CNTN1: variants seen among roughly 807,000 people sequenced by gnomAD.
CNTN1 encodes contactin-1.
Under a neutral mutation model 126.4 loss-of-function variants are expected in CNTN1, and 38 were observed. That is an observed-to-expected ratio of 0.30 (90% CI 0.23 to 0.39). The LOEUF is 0.39. Ranked by LOEUF, CNTN1 falls within the 10% of genes least tolerant of loss-of-function variation. The probability of loss-of-function intolerance (pLI) is 1.00; values close to 1 mark genes in which losing one functional copy is unlikely to be tolerated. For missense variants in CNTN1, 1,009 were observed against 1,248.4 expected, an observed-to-expected ratio of 0.81 and a Z score of 2.89; for synonymous variants, 413 against 422.6, an observed-to-expected ratio of 0.98 and a Z score of 0.28.
rs1035789342 is a variant in CNTN1, at chr12:40,943,997, C to T, written c.1510C>T (p.Pro504Ser). Reference protein sequence around the residue: ...NSTGTLVITDPTRIILAPINA... With the variant: ...NSTGTLVITDSTRIILAPINA... Reference sequence around the variant, plus strand: ...GCTTTACATTTAAAAATATATAGATCCTACGCGAATTATATTGGCCCCAAT... The same window carrying T: ...GCTTTACATTTAAAAATATATAGATTCTACGCGAATTATATTGGCCCCAAT... The change falls in exon 14 of 24, where the codon CCT becomes TCT. Residue 504 changes from proline to serine, a missense_variant and splice_region_variant. Physicochemically the swap from Pro to Ser is moderately conservative, Grantham distance 74. Transcript: ENST00000551295. 2 of 1,612,832 alleles carry T rather than the reference C, an allele frequency of 1.2e-6. No individual in the cohort carries two copies. The highest frequency in any genetic ancestry group is 2.7e-5 in the African/African-American group (2 of 74,840).
At chr12:40,931,554 G>A (rs1484684372) in intron 7 of CNTN1, among the ~76,000 whole-genome samples, 1 of 151,964 alleles carries the variant, frequency 6.6e-6, no homozygotes, top group African/African-American at 2.4e-5. Flanking sequence ...TCTCACAGAT[G>A]TTAAGCTCAA....
intron 23 of CNTN1, among the ~76,000 whole-genome samples, chr12:41,046,917 A>G (rs962304458): frequency 2.1e-5 from 3 of 142,032 alleles, no homozygotes; most frequent in Non-Finnish European, 4.5e-5. Flanking sequence ...ATGTCAGCTC[A>G]GATTCCACGG....
chr12:41,029,900 C>T (rs1179053013), intron 23 of CNTN1, among the ~76,000 whole-genome samples: 2 of 151,758 alleles, frequency 1.3e-5, no homozygotes, highest in African/African-American at 2.4e-5. Flanking sequence ...TTGAGGCAGT[C>T]ATTTCTTTTT....
chr12:41,070,045 G>C lies in CNTN1; in HGVS notation c.*10G>C. ...CTACTTGGAATTCTGAATGTGTTGT[G>C]ACAGCTGCTGTTCCCATCCCAGCTC... On this transcript the variant is annotated 3_prime_UTR_variant, in exon 24 of 24. Coordinates refer to ENST00000551295, the MANE Select transcript of CNTN1 (RefSeq NM_001843.4). The C allele has an allele frequency of 1.9e-6, 3 of 1,612,820 alleles. No individual in the cohort carries two copies. The highest frequency in any genetic ancestry group is 2.5e-6 in the Non-Finnish European group (3 of 1,179,026).
intron 11 of CNTN1, among the ~76,000 whole-genome samples, chr12:40,938,270 A>C (rs773242471): frequency 6.6e-6 from 1 of 152,152 alleles, no homozygotes; most frequent in Non-Finnish European, 1.5e-5. Context: ...ATTCTGTTCT[A>C]ATAATTATTG....
At chr12:40,967,909 A>G (rs1415440793) in intron 15 of CNTN1, among the ~76,000 whole-genome samples, 4 of 150,784 alleles carry the variant, frequency 2.7e-5, no homozygotes, top group Non-Finnish European at 5.9e-5. Flanking sequence ...TTAATATATA[A>G]TGACAGAATG....
At chr12:40,760,758 AT>A (rs1291814912) in intron 1 of CNTN1, among the ~76,000 whole-genome samples, 1 of 152,032 alleles carries the variant, frequency 6.6e-6, no homozygotes, top group Admixed American at 6.6e-5. Flanking sequence ...CCTGAACTCT[AT>A]TTTTTTATCC....
intron 16 of CNTN1, among the ~76,000 whole-genome samples, chr12:40,981,945 A>G (rs1276220852): frequency 6.6e-6 from 1 of 152,084 alleles, no homozygotes; most frequent in African/African-American, 2.4e-5. Context: ...AACTAAAAAA[A>G]AAAAAAATAC....
chr12:40,881,259 A>C (rs1391618751), intron 1 of CNTN1, among the ~76,000 whole-genome samples: 1 of 152,060 alleles, frequency 6.6e-6, no homozygotes, highest in African/African-American at 2.4e-5. Context: ...TGGATGAAAG[A>C]ACACTTGGAG....
intron 1 of CNTN1, among the ~76,000 whole-genome samples, chr12:40,759,776 T>A (rs961794405): frequency 1.3e-4 from 18 of 137,000 alleles, no homozygotes; most frequent in East Asian, 8.0e-4. Flanking sequence ...GCCCAGATAT[T>A]TTTTTTTTTT....
intron 1 of CNTN1, among the ~76,000 whole-genome samples, chr12:40,755,190 C>CAAAAAAAAAAAAAAAAAAAAAAAA (rs557970110): frequency 6.4e-5 from 5 of 78,200 alleles, no homozygotes; most frequent in African/African-American, 2.2e-4. Context: ...GACCCCACCT[C>CAAAAAAAAAAAAAAAAAAAAAAAA]AAAAAAAAAA....
In CNTN1 at chr12:40,875,037, A is replaced by G. The variant is rs1440120379; in HGVS notation, c.-76-33320A>G. 2.0e-5 allele frequency among the ~76,000 whole-genome samples: 3 copies of G among 152,140 alleles called. No individual in the cohort carries two copies. In the East Asian group the frequency reaches 5.8e-4, roughly 29 times the overall value. ...CATGTGCCTTTGGGCACACGTATATACAAGAGTGCTCTAGGACTAGTTCTC... is the reference window on the plus strand; with the variant it reads ...CATGTGCCTTTGGGCACACGTATATGCAAGAGTGCTCTAGGACTAGTTCTC... On this transcript the variant is annotated intron_variant, in intron 1 of 23. Transcript: ENST00000551295.
At chr12:40,887,217 A>T (rs2136713784) in intron 1 of CNTN1, among the ~76,000 whole-genome samples, 1 of 152,120 alleles carries the variant, frequency 6.6e-6, no homozygotes, top group East Asian at 1.9e-4. Flanking sequence ...ATGTTCTTCC[A>T]TTTGTTTGTA....
intron 1 of CNTN1, among the ~76,000 whole-genome samples, chr12:40,732,670 A>G (rs1048777742): frequency 6.6e-6 from 1 of 152,044 alleles, no homozygotes; most frequent in Non-Finnish European, 1.5e-5. Context: ...TAGTGTCTCT[A>G]TTGAGGAAAC....
Position 40,714,123 on chromosome 12 carries a change from C to T in CNTN1, c.-77+21531C>T, listed in dbSNP as rs553938922. On this transcript the variant is annotated intron_variant, in intron 1 of 23. Transcript: ENST00000551295. Reference sequence around the variant, plus strand: ...TAGCATTCTCTACTTAAAGAACTTACAATTGGAATTTGACTTAGCATCTTG... The same window carrying T: ...TAGCATTCTCTACTTAAAGAACTTATAATTGGAATTTGACTTAGCATCTTG... 3.7e-4 allele frequency among the ~76,000 whole-genome samples: 56 copies of T among 152,154 alleles called. 1 individual carries two copies. Among genetic ancestry groups the T allele is most frequent in the African/African-American group, 1.3e-3 (54 of 41,546 alleles).
At chr12:40,831,366 GACA>G (rs1223689914) in intron 1 of CNTN1, among the ~76,000 whole-genome samples, 2 of 151,834 alleles carry the variant, frequency 1.3e-5, no homozygotes, top group Non-Finnish European at 2.9e-5. Context: ...CTTATGTTTA[GACA>G]ACAAGAAAAT....
intron 15 of CNTN1, among the ~76,000 whole-genome samples, chr12:40,963,479 G>C (rs1256055727): frequency 1.3e-5 from 2 of 151,822 alleles, no homozygotes; most frequent in African/African-American, 4.8e-5. Context: ...AAGGAATTTA[G>C]AACTTAAATC....
At chr12:40,752,610 A>G (rs937521526) in intron 1 of CNTN1, among the ~76,000 whole-genome samples, 3 of 152,092 alleles carry the variant, frequency 2.0e-5, no homozygotes, top group African/African-American at 7.2e-5. Context: ...TCCAACTTCA[A>G]ATAAGACAAT....
At chr12:40,980,783 C>A in intron 15 of CNTN1, 126 bp from the exon 16 acceptor site, 1 of 849,466 alleles carries the variant, frequency 1.2e-6, no homozygotes, top group South Asian at 1.5e-5. Flanking sequence ...AAAAGAAATG[C>A]AGACACACTG....
Sources: allele counts gnomAD v4.1 joint callset (sites outside exome capture counted in the v4.1 genomes callset), GRCh38; gene constraint gnomAD v4.1.1; transcripts MANE v1.5; gene names NCBI Gene and HGNC (gene_info 2026-07-23, HGNC 2026-07-21).